The following CFAP251 variants were observed in gnomAD, a reference collection of about 807,000 sequenced individuals.
CFAP251 encodes cilia- and flagella-associated protein 251.
CFAP251 carries 93 observed loss-of-function variants against 126.7 expected under a neutral mutation model. The ratio of observed to expected loss-of-function variants is 0.73; its 90% CI spans 0.62 to 0.87. The LOEUF is 0.87. Ranked by LOEUF, CFAP251 falls within the 40% of genes least tolerant of loss-of-function variation. The probability of loss-of-function intolerance (pLI) is 0.00; values close to 1 mark genes in which losing one functional copy is unlikely to be tolerated. For missense variants in CFAP251, 1,287 were observed against 1,389.2 expected (o/e 0.93, Z 1.17); for synonymous variants, 503 against 506.9 (o/e 0.99, Z 0.10).
At chr12:121,977,656 C>G (rs1882495750) in intron 19 of CFAP251, among the ~76,000 whole-genome samples, 1 of 136,678 alleles carries the variant, frequency 7.3e-6, no homozygotes, top group African/African-American at 2.8e-5. Flanking sequence ...CGAAACTCTC[C>G]TCAAAAAATA....
intron 5 of CFAP251, among the ~76,000 whole-genome samples, chr12:121,935,225 G>A (rs1880844569): frequency 6.6e-6 from 1 of 152,132 alleles, no homozygotes; most frequent in African/African-American, 2.4e-5. Flanking sequence ...CCAAAGTGCT[G>A]GGATTACAGG....
At chr12:121,975,791 C>T in intron 19 of CFAP251, 106 bp downstream of exon 19, 1 of 1,228,392 alleles carries the variant, frequency 8.1e-7, no homozygotes, top group Non-Finnish European at 1.1e-6. Flanking sequence ...ATTTTTCTTG[C>T]ATAAATGGAT....
chr12:121,994,123 C>T (rs1593008269), intron 19 of CFAP251, among the ~76,000 whole-genome samples: 1 of 114,710 alleles, frequency 8.7e-6, no homozygotes, highest in Non-Finnish European at 1.9e-5. Context: ...GCCCCTCTGC[C>T]CGGCCAGCCG....
intron 5 of CFAP251, among the ~76,000 whole-genome samples, chr12:121,939,979 A>C (rs1881045070): frequency 6.6e-6 from 1 of 152,222 alleles, no homozygotes; most frequent in African/African-American, 2.4e-5. Flanking sequence ...TGATTAACAA[A>C]CAAATCCTTC....
At chr12:122,002,548 A>AAG (rs140097573) in intron 21 of CFAP251, among the ~76,000 whole-genome samples, 7 of 151,258 alleles carry the variant, frequency 4.6e-5, no homozygotes, top group Non-Finnish European at 7.4e-5. Context: ...TCAATTAAAA[A>AAG]AGAGAGAGAG....
rs184376177 is a variant in CFAP251 at position 121,968,937 on chromosome 12, C to A, written c.2771+768C>A. 3 of 985,348 alleles carry A rather than the reference C, an allele frequency of 3.0e-6. No homozygotes were observed. In the African/African-American group the frequency reaches 5.2e-5, roughly 17 times the overall value. 61.0% of individuals were successfully genotyped at this position (985,348 alleles called of 1,614,324 possible). ...TCCCTAATAAAGAGGGGACAAGCAC[C>A]CACACTGTCCTCTCATCTACCCAAA... On this transcript the variant is annotated intron_variant, in intron 17 of 21. Coordinates refer to ENST00000288912, the MANE Select transcript of CFAP251 (RefSeq NM_144668.6).
At chr12:121,992,600 TACTCCTC>T in intron 19 of CFAP251, 2 of 728,746 alleles carry the variant, frequency 2.7e-6, no homozygotes, top group Non-Finnish European at 3.4e-6. Flanking sequence ...GACAGGGTCT[TACTCCTC>T]ACTCCTGTTG....
intron 7 of CFAP251, 144 bp from the exon 8 acceptor site, chr12:121,948,840 A>ATT: frequency 4.0e-6 from 2 of 502,250 alleles, no homozygotes; most frequent in Non-Finnish European, 6.9e-6. Context: ...TGATATTCCT[A>ATT]TTTTTTTTTA....
chr12:121,960,473 C>T (rs1881893516), intron 13 of CFAP251, 112 bp from the exon 14 acceptor site: 12 of 1,210,868 alleles, frequency 9.9e-6, no homozygotes, highest in Non-Finnish European at 1.4e-5. Context: ...CCGCCTCGGC[C>T]TCCCAAAGTG....
chr12:121,935,208 C>T (rs1345910422), intron 5 of CFAP251, among the ~76,000 whole-genome samples: 2 of 152,106 alleles, frequency 1.3e-5, no homozygotes, highest in Non-Finnish European at 2.9e-5. Context: ...CCTCCTGCCT[C>T]GGCCTCCCAA....
In CFAP251 at chr12:121,975,648, T is replaced by C; in HGVS notation, c.2969T>C (p.Val990Ala). Residue 990 changes from valine (V) to alanine (A), a missense_variant, in exon 19 of 22, where the codon GTC (valine) becomes GCC (alanine). Coordinates refer to ENST00000288912, the MANE Select transcript of CFAP251 (RefSeq NM_144668.6). ...ATTTGCCTGTCAGAGCTTCCTTTTG[T>C]CATGAGAGCAATTGGCTTTTACCCA... ...EHICLSELPFVMRAIGFYPSE... is the reference protein window; with the variant it reads ...EHICLSELPFAMRAIGFYPSE... 6.3e-7 allele frequency: 1 copy of C among 1,597,090 alleles called. No homozygotes were observed. The highest frequency in any genetic ancestry group is 8.5e-7 in the Non-Finnish European group (1 of 1,175,088).
intron 1 of CFAP251, among the ~76,000 whole-genome samples, chr12:121,920,977 T>C (rs1346916285): frequency 1.3e-5 from 2 of 152,122 alleles, no homozygotes; most frequent in East Asian, 1.9e-4. Flanking sequence ...GCCTCCCAAG[T>C]AGCTGGGATT....
At chr12:121,969,223 C>A (rs932769435) in intron 17 of CFAP251, 1 of 985,270 alleles carries the variant, frequency 1.0e-6, no homozygotes, top group South Asian at 4.7e-5. Context: ...CTACTCTTAA[C>A]CTGAATATGA....
In CFAP251 at chr12:121,992,188, C is replaced by T. The variant is rs191546181; in HGVS notation, c.3007-7528C>T. On this transcript the variant is annotated intron_variant, in intron 19 of 21. Transcript: ENST00000288912. ...CTCTCAAGCCATCTTCACACGGGGG[C>T]GTTCAGAACAAGCTCTGCGTTCTAT... The T allele has an allele frequency of 1.8e-4, 176 of 985,112 alleles. No homozygotes were observed. In the African/African-American group the frequency reaches 3.0e-3, roughly 17 times the overall value. 61.0% of individuals were successfully genotyped at this position (985,112 alleles called of 1,614,324 possible).
intron 17 of CFAP251, among the ~76,000 whole-genome samples, chr12:121,970,771 A>T (rs890396223): frequency 6.6e-6 from 1 of 152,232 alleles, no homozygotes; most frequent in African/African-American, 2.4e-5. Flanking sequence ...CTTGGTGCTC[A>T]CAGCACTTGC....
chr12:121,954,307 G>T lies in CFAP251; in HGVS notation c.1508G>T (p.Gly503Val). Residue 503 changes from glycine to valine, a missense_variant, in exon 10 of 22, where the codon GGT becomes GTT. Gly to Val is a moderately radical substitution (Grantham distance 109). Transcript: ENST00000288912. ...PCKLVHLQKEGITVLTTIDSY... is the reference protein window; with the variant it reads ...PCKLVHLQKEVITVLTTIDSY... ...AAATTGGTTCATTTGCAGAAAGAGGGTATCACGGTACTTACCACAATTGAT... is the reference window on the plus strand; with the variant it reads ...AAATTGGTTCATTTGCAGAAAGAGGTTATCACGGTACTTACCACAATTGAT... 6.2e-7 allele frequency: 1 copy of T among 1,613,936 alleles called. No individual in the cohort carries two copies. Among genetic ancestry groups the T allele is most frequent in the Non-Finnish European group, 8.5e-7 (1 of 1,179,920 alleles).
In CFAP251 at chr12:121,967,938, G is replaced by C; in HGVS notation, c.2608-68G>C. On this transcript the variant is annotated intron_variant, in intron 16 of 21. Coordinates refer to ENST00000288912, the MANE Select transcript of CFAP251 (RefSeq NM_144668.6). The stretch of plus-strand genomic sequence containing the variant: ...GCACACAGATCTGGAGGTGACATGT[G>C]AACGTGCCAGGCCTCTCTCGGGCCC... 1.4e-6 allele frequency: 2 copies of C among 1,425,566 alleles called. 1 individual carries two copies. Among genetic ancestry groups the C allele is most frequent in the South Asian group, 2.5e-5 (2 of 78,570 alleles). The allele number at this position is 1,425,566 out of a possible 1,614,324, so 88.3% of individuals were successfully genotyped here.
At chr12:121,964,604 C>G (rs1416156335) in intron 15 of CFAP251, among the ~76,000 whole-genome samples, 1 of 152,142 alleles carries the variant, frequency 6.6e-6, no homozygotes, top group Non-Finnish European at 1.5e-5. Flanking sequence ...TAAAATGAAC[C>G]ATTTGAAAGT....
chr12:121,992,325 G>T (rs1882894960), intron 19 of CFAP251: 2 of 985,330 alleles, frequency 2.0e-6, no homozygotes, highest in African/African-American at 3.5e-5. Flanking sequence ...TGTCAGTGAT[G>T]CCGAAGCTGC....
Sources: allele counts gnomAD v4.1 joint callset (sites outside exome capture counted in the v4.1 genomes callset), GRCh38; gene constraint gnomAD v4.1.1; transcripts MANE v1.5; gene names NCBI Gene and HGNC (gene_info 2026-07-23, HGNC 2026-07-21).